The following EYA4 variants were observed in gnomAD, a reference collection of about 807,000 sequenced individuals.
EYA4 encodes protein phosphatase EYA4.
EYA4 carries 31 observed loss-of-function variants against 87.9 expected under a neutral mutation model. That is an observed-to-expected ratio of 0.35 (90% CI 0.27 to 0.48). The LOEUF is 0.48. Among genes scored for constraint, EYA4 ranks in the 20% least tolerant of loss-of-function variants. The probability of loss-of-function intolerance (pLI) is 0.99; values close to 1 mark genes in which losing one functional copy is unlikely to be tolerated. For synonymous variants in EYA4, 263 were observed against 270.6 expected (o/e 0.97, Z 0.28); for missense variants, 678 against 761.4 (o/e 0.89, Z 1.29).
At chr6:133,469,526 T>C (rs1042741965) in intron 11 of EYA4, among the ~76,000 whole-genome samples, 3 of 151,346 alleles carry the variant, frequency 2.0e-5, no homozygotes, top group African/African-American at 7.3e-5. Context: ...CAATGGAGAG[T>C]CCAGAAACAG....
At chr6:133,462,993 C>T (rs190719967) in intron 9 of EYA4, among the ~76,000 whole-genome samples, 104 of 152,208 alleles carry the variant, frequency 6.8e-4, no homozygotes, top group African/African-American at 2.5e-3. Context: ...TGCGTAACAT[C>T]AGCAGGAAAC....
intron 1 of EYA4, among the ~76,000 whole-genome samples, chr6:133,273,005 CG>C (rs1162206109): frequency 6.6e-6 from 1 of 150,922 alleles, no homozygotes; most frequent in African/African-American, 2.4e-5. Context: ...TTAAGGCACC[CG>C]ATGCTGATGC....
intron 3 of EYA4, among the ~76,000 whole-genome samples, chr6:133,444,128 G>A (rs1372405008): frequency 6.6e-6 from 1 of 152,164 alleles, no homozygotes; most frequent in Non-Finnish European, 1.5e-5. Flanking sequence ...TGTGAAAACT[G>A]TGTCATAAAA....
At chr6:133,502,002 C>A (rs1239673781) in intron 13 of EYA4, among the ~76,000 whole-genome samples, 2 of 152,168 alleles carry the variant, frequency 1.3e-5, no homozygotes, top group Admixed American at 1.3e-4. Context: ...TAGAACCACA[C>A]ATTTAAAGGC....
chr6:133,523,256 T>C, intron 18 of EYA4, 79 bp downstream of exon 18: 1 of 1,443,390 alleles, frequency 6.9e-7, no homozygotes, highest in South Asian at 1.1e-5. Context: ...TTCAGCAATT[T>C]CACTTAGTAC....
intron 2 of EYA4, among the ~76,000 whole-genome samples, chr6:133,318,861 T>C: frequency 6.6e-6 from 1 of 152,220 alleles, no homozygotes; most frequent in Non-Finnish European, 1.5e-5. Context: ...CCACTTCCTT[T>C]GTACTATTCA....
At chr6:133,286,296 G>T (rs1778056835) in intron 2 of EYA4, among the ~76,000 whole-genome samples, 1 of 152,082 alleles carries the variant, frequency 6.6e-6, no homozygotes, top group Admixed American at 6.5e-5. Flanking sequence ...TTTCTCTTAG[G>T]CATATGCATC....
intron 1 of EYA4, among the ~76,000 whole-genome samples, chr6:133,271,515 A>G (rs1313009065): frequency 6.6e-6 from 1 of 152,214 alleles, no homozygotes; most frequent in Admixed American, 6.5e-5. Context: ...GTAAGTGTCT[A>G]TTCCAGTGAG....
intron 2 of EYA4, among the ~76,000 whole-genome samples, chr6:133,362,852 T>C (rs1320505084): frequency 6.6e-6 from 1 of 152,224 alleles, no homozygotes; most frequent in African/African-American, 2.4e-5. Flanking sequence ...CGGACTCTAC[T>C]TCAGCTTTAG....
At position 133,313,786 on chromosome 6, in the gene EYA4, G is replaced by T. The variant is rs558255539; in HGVS notation, c.33+38973G>T. ...TTGTTAGAGTAGGACTTTGTTTTCT[G>T]TCAGTTTCATTCATTTCATTATTGT... On this transcript the variant is annotated intron_variant, in intron 2 of 19. Coordinates refer to ENST00000355286, the MANE Select transcript of EYA4 (RefSeq NM_004100.5). Among the ~76,000 whole-genome samples the T allele has an allele frequency of 2.6e-5, 4 of 152,132 alleles. No homozygotes were observed. The South Asian group carries it at 6.2e-4, about 24-fold the overall frequency.
chr6:133,403,391 G>A (rs190442285), intron 3 of EYA4, among the ~76,000 whole-genome samples: 1 of 152,212 alleles, frequency 6.6e-6, no homozygotes, highest in East Asian at 1.9e-4. Flanking sequence ...AACTCCCAAA[G>A]ACCTAGCCTA....
At chr6:133,242,285 G>A (rs1302397549) in intron 1 of EYA4, among the ~76,000 whole-genome samples, 1 of 152,226 alleles carries the variant, frequency 6.6e-6, no homozygotes, top group Non-Finnish European at 1.5e-5. Context: ...GTACTTTAAA[G>A]GCTCGCGTTC....
intron 3 of EYA4, among the ~76,000 whole-genome samples, chr6:133,418,426 A>G (rs1789933123): frequency 6.6e-6 from 1 of 152,220 alleles, no homozygotes. Flanking sequence ...CCTTGTCTGT[A>G]TTAATTGCTC....
At chr6:133,321,322 T>A (rs1781073544) in intron 2 of EYA4, among the ~76,000 whole-genome samples, 1 of 152,204 alleles carries the variant, frequency 6.6e-6, no homozygotes, top group Admixed American at 6.5e-5. Context: ...AACTTTTATA[T>A]CTCCAAATAG....
intron 5 of EYA4, among the ~76,000 whole-genome samples, chr6:133,449,991 C>T (rs1793262579): frequency 6.8e-6 from 1 of 146,552 alleles, no homozygotes; most frequent in Admixed American, 6.8e-5. Context: ...ATTTCAATGA[C>T]TTTTTTTTTT....
At chr6:133,306,448 C>G (rs1779818028) in intron 2 of EYA4, among the ~76,000 whole-genome samples, 1 of 152,190 alleles carries the variant, frequency 6.6e-6, no homozygotes, top group Non-Finnish European at 1.5e-5. Context: ...CTTCCATTAC[C>G]TGGCACAGCC....
At chr6:133,292,097 A>T (rs1415791163) in intron 2 of EYA4, among the ~76,000 whole-genome samples, 1 of 152,226 alleles carries the variant, frequency 6.6e-6, no homozygotes, top group Non-Finnish European at 1.5e-5. Context: ...GTAAGTTGTT[A>T]TCAGTGGTTA....
rs868180276 is a variant in EYA4, at chr6:133,385,350, A to T, written c.83+2909A>T. Among the ~76,000 whole-genome samples the T allele has an allele frequency of 4.2e-3, 549 of 130,846 alleles. 19 individuals carry two copies. Among genetic ancestry groups the T allele is most frequent in the African/African-American group, 0.015 (511 of 34,936 alleles). 85.8% of individuals were successfully genotyped at this position (130,846 alleles called of 152,430 possible). On this transcript the variant is annotated intron_variant, in intron 3 of 19. Coordinates refer to ENST00000355286, the MANE Select transcript of EYA4 (RefSeq NM_004100.5). ...ATATATATATTTTATACATATATAT[A>T]TATTTTTTCTCTCTCCTCTGTGTGT...
At chr6:133,460,997 A>G (rs1794333259) in intron 6 of EYA4, 117 bp from the exon 7 acceptor site, 2 of 774,934 alleles carry the variant, frequency 2.6e-6, no homozygotes, top group South Asian at 1.4e-5. Flanking sequence ...CTTTTAGAAA[A>G]TGAATTTCTG....
Sources: allele counts gnomAD v4.1 joint callset (sites outside exome capture counted in the v4.1 genomes callset), GRCh38; gene constraint gnomAD v4.1.1; transcripts MANE v1.5; gene names NCBI Gene and HGNC (gene_info 2026-07-23, HGNC 2026-07-21).